EVL: variants seen among roughly 807,000 people sequenced by gnomAD.
The protein encoded by EVL is Enah/Vasp-like, also known as ena/VASP-like protein.
EVL carries 21 observed loss-of-function variants against 59.6 expected under a neutral mutation model. The observed-to-expected ratio is 0.35, with a 90% confidence interval of 0.25 to 0.51. The LOEUF is 0.51. Ranked by LOEUF, EVL falls within the 20% of genes least tolerant of loss-of-function variation. EVL has a pLI of 0.97. For missense variants in EVL, 462 were observed against 546.6 expected (o/e 0.85, Z 1.54); for synonymous variants, 198 against 203.5 (o/e 0.97, Z 0.23).
At chr14:100,028,134 G>GTTTTTTGTTTTT (rs1595582101) in intron 1 of EVL, among the ~76,000 whole-genome samples, 1 of 118,738 alleles carries the variant, frequency 8.4e-6, no homozygotes, top group African/African-American at 3.3e-5. Flanking sequence ...TTGTTTGTTT[G>GTTTTTTGTTTTT]TTTTTTTTTT....
At chr14:100,081,820 C>G (rs2062314165) in intron 1 of EVL, among the ~76,000 whole-genome samples, 1 of 152,358 alleles carries the variant, frequency 6.6e-6, no homozygotes, top group East Asian at 1.9e-4. Context: ...CCTCCCCAGG[C>G]CTGGCGCAGT....
chr14:99,987,037 A>G (rs2060844122), intron 1 of EVL, among the ~76,000 whole-genome samples: 2 of 152,200 alleles, frequency 1.3e-5, no homozygotes, highest in Non-Finnish European at 2.9e-5. Context: ...ACAAATGACC[A>G]ATAAATAAAT....
At chr14:100,049,381 T>C (rs930335467) in intron 1 of EVL, among the ~76,000 whole-genome samples, 1 of 152,190 alleles carries the variant, frequency 6.6e-6, no homozygotes, top group Admixed American at 6.5e-5. Flanking sequence ...GTACTGCAAC[T>C]GTGTATTCTA....
chr14:100,007,711 G>C (rs576377146), intron 1 of EVL, among the ~76,000 whole-genome samples: 1 of 152,240 alleles, frequency 6.6e-6, no homozygotes. Context: ...CAGCTTCACA[G>C]GATGCATTTA....
chr14:99,988,170 C>A, intron 1 of EVL, among the ~76,000 whole-genome samples: 1 of 152,056 alleles, frequency 6.6e-6, no homozygotes, highest in East Asian at 1.9e-4. Context: ...CCCACCTCGA[C>A]CTCCCAAAGT....
intron 3 of EVL, among the ~76,000 whole-genome samples, chr14:100,103,044 G>A (rs1886326948): frequency 6.7e-6 from 1 of 149,848 alleles, no homozygotes; most frequent in Non-Finnish European, 1.5e-5. Flanking sequence ...AAAGGTTGCA[G>A]TGAGCCGAGA....
At chr14:99,991,932 T>C (rs2060877642) in intron 1 of EVL, among the ~76,000 whole-genome samples, 1 of 150,450 alleles carries the variant, frequency 6.6e-6, no homozygotes, top group Non-Finnish European at 1.5e-5. Context: ...GTTTGCACCC[T>C]AACCCCTGCA....
At chr14:99,976,025 T>C (rs2060767917) in intron 1 of EVL, among the ~76,000 whole-genome samples, 1 of 152,024 alleles carries the variant, frequency 6.6e-6, no homozygotes, top group Non-Finnish European at 1.5e-5. Flanking sequence ...TATTTTTAAA[T>C]TTCTTTTTTG....
At chr14:100,088,784 C>T (rs374160914) in intron 2 of EVL, among the ~76,000 whole-genome samples, 3 of 152,102 alleles carry the variant, frequency 2.0e-5, no homozygotes, top group East Asian at 1.9e-4. Context: ...CTTGTGTAAA[C>T]GTTGTAATTA....
At chr14:100,044,910 C>T (rs1307175492) in intron 1 of EVL, among the ~76,000 whole-genome samples, 2 of 152,084 alleles carry the variant, frequency 1.3e-5, no homozygotes, top group East Asian at 1.9e-4. Flanking sequence ...TGCAGTGAGC[C>T]GTGATTGCAC....
intron 1 of EVL, among the ~76,000 whole-genome samples, chr14:99,976,428 A>G (rs1331588532): frequency 6.6e-6 from 1 of 152,010 alleles, no homozygotes; most frequent in Non-Finnish European, 1.5e-5. Context: ...CCTTTAACAT[A>G]GTATGTGTAA....
At chr14:99,977,402 T>C (rs137862049) in intron 1 of EVL, 1 of 152,128 alleles carries the variant, frequency 6.6e-6, no homozygotes, top group African/African-American at 2.4e-5. Context: ...TAATTTATTT[T>C]TTATTTTTAT....
intron 1 of EVL, among the ~76,000 whole-genome samples, chr14:100,077,581 T>C (rs888182339): frequency 2.0e-5 from 3 of 152,248 alleles, no homozygotes; most frequent in African/African-American, 7.2e-5. Flanking sequence ...ACAGAGCCCA[T>C]GAGGAGACGT....
chr14:100,099,179 C>CA (rs57154685), intron 3 of EVL, among the ~76,000 whole-genome samples: 11,760 of 51,244 alleles, frequency 0.23, 800 homozygotes, highest in African/African-American at 0.33. Flanking sequence ...CCTGTCTCTA[C>CA]AAAAAAAAAA....
In EVL at chr14:100,065,452, A is replaced by T; in HGVS notation, c.-49A>T. ...CCTCTGATCAACATAGGCTGGTGGG[A>T]GTACAGGACTCGCCTCCTCAGGGTT... On this transcript the variant is annotated 5_prime_UTR_variant, in exon 1 of 14. Transcript: ENST00000392920. The T allele has an allele frequency of 7.0e-7, 1 of 1,420,230 alleles. No individual in the cohort carries two copies. The highest frequency in any genetic ancestry group is 9.3e-7 in the Non-Finnish European group (1 of 1,070,856). The allele number at this position is 1,420,230 out of a possible 1,614,324, so 88.0% of individuals were successfully genotyped here. A position where few individuals can be genotyped will look rare whatever the true frequency, so the allele number is the denominator to read the frequency against.
At chr14:100,019,836 G>C (rs2061089684) in intron 1 of EVL, 3 of 764,216 alleles carry the variant, frequency 3.9e-6, no homozygotes, top group Non-Finnish European at 6.2e-6. Context: ...CCAGTCATGG[G>C]GGTGGGAGGT....
chr14:100,100,466 C>T (rs907272948), intron 3 of EVL, among the ~76,000 whole-genome samples: 2 of 152,166 alleles, frequency 1.3e-5, no homozygotes, highest in Admixed American at 6.5e-5. Flanking sequence ...ACTTGATGAA[C>T]TGTTAACACG....
intron 13 of EVL, 22 bp downstream of exon 13, chr14:100,141,815 A>G (rs1324721980): frequency 6.2e-7 from 1 of 1,610,486 alleles, no homozygotes; most frequent in South Asian, 1.1e-5. Flanking sequence ...CCCACCGGGG[A>G]GGGTGGCACC....
chr14:99,978,158 GGAGGCCGAGGCGGGTGGATCAC>G (rs1374391209), intron 1 of EVL: 3 of 151,136 alleles, frequency 2.0e-5, no homozygotes, highest in Non-Finnish European at 4.4e-5. Flanking sequence ...CAGCACTTTG[GGAGGCCGAGGCGGGTGGATCAC>G]GAGGTCAGGA....
Sources: gnomAD v4.1 joint callset for allele counts (sites outside exome capture counted in the v4.1 genomes callset) on GRCh38, gnomAD v4.1.1 for gene constraint, MANE v1.5 for transcripts, NCBI Gene and HGNC (gene_info 2026-07-23, HGNC 2026-07-21) for gene names.